The following ERICH1 variants were observed in gnomAD, a reference collection of about 807,000 sequenced individuals.
ERICH1 encodes the protein glutamate rich 1.
Under a neutral mutation model 39.6 loss-of-function variants are expected in ERICH1, and 56 were observed. The ratio of observed to expected loss-of-function variants is 1.41; its 90% CI spans 1.14 to 1.77. The LOEUF (loss-of-function observed/expected upper bound fraction) is 1.77. ERICH1 is among the 40% of genes most tolerant of loss of function. ERICH1 has a pLI of 0.00. For synonymous variants in ERICH1, 313 were observed against 223.6 expected (o/e 1.40, Z -3.57); for missense variants, 826 against 575.4 (o/e 1.44, Z -4.45).
chr8:665,798 A>G (rs528959273), intron 5 of ERICH1, among the ~76,000 whole-genome samples: 61 of 152,300 alleles, frequency 4.0e-4, no homozygotes, highest in African/African-American at 1.3e-3. Flanking sequence ...GCCAGAGGAG[A>G]GGCAGAGGAG....
At chr8:616,769 AGAGAGAGGGAGAGG>A (rs1302035313) in intron 3 of ERICH1, among the ~76,000 whole-genome samples, 1 of 45,558 alleles carries the variant, frequency 2.2e-5, no homozygotes, top group Non-Finnish European at 3.3e-5. Context: ...AGAGGAAGAC[AGAGAGAGGGAGAGG>A]GAGAGAGATG....
In ERICH1 at chr8:673,952, C is replaced by T. The variant is rs1804070010; in HGVS notation, c.400G>A (p.Ala134Thr). ...AGACTCTGCTGTTTCTCTAATTCTGCTTGTTCTATAAGAACATTATTGGGA... is the reference window on the plus strand; with the variant it reads ...AGACTCTGCTGTTTCTCTAATTCTGTTTGTTCTATAAGAACATTATTGGGA... ...KNPNNVLIEQAELEKQQSLLQ... is the reference protein window; with the variant it reads ...KNPNNVLIEQTELEKQQSLLQ... The change falls in exon 4 of 6, where the codon GCA becomes ACA. Residue 134 changes from alanine (A) to threonine (T), a missense_variant. Ala to Thr is a moderately conservative substitution (Grantham distance 58). Transcript: ENST00000262109. 1 of 1,609,980 alleles carries T rather than the reference C, an allele frequency of 6.2e-7. No individual in the cohort carries two copies. The highest frequency in any genetic ancestry group is 8.5e-7 in the Non-Finnish European group (1 of 1,179,446).
At chr8:668,889 G>C in intron 4 of ERICH1, 97 bp from the exon 5 acceptor site, 1 of 1,075,456 alleles carries the variant, frequency 9.3e-7, no homozygotes, top group Non-Finnish European at 1.3e-6. Flanking sequence ...TCAAACCTAC[G>C]CTTCCACACA....
At chr8:626,170 G>T (rs565953560) in intron 3 of ERICH1, 53 of 152,160 alleles carry the variant, frequency 3.5e-4, no homozygotes, top group Non-Finnish European at 7.1e-4. Flanking sequence ...CTGTTTTAAA[G>T]ATGAGCAAAA....
chr8:713,567 T>C (rs980777733), intron 2 of ERICH1, among the ~76,000 whole-genome samples: 4 of 152,132 alleles, frequency 2.6e-5, no homozygotes, highest in African/African-American at 7.2e-5. Context: ...CAGAACGGTG[T>C]CTGTGGCACT....
chr8:709,702 G>T (rs1250428054), intron 2 of ERICH1, among the ~76,000 whole-genome samples: 3 of 152,172 alleles, frequency 2.0e-5, no homozygotes, highest in Admixed American at 2.0e-4. Context: ...TGCTTTGTCA[G>T]ACTCAAATGG....
chr8:619,109 T>C (rs543903712), intron 3 of ERICH1, among the ~76,000 whole-genome samples: 3 of 152,160 alleles, frequency 2.0e-5, no homozygotes, highest in East Asian at 3.9e-4. Flanking sequence ...CTCTGCTCTC[T>C]ACAGATGTGG....
intron 3 of ERICH1, among the ~76,000 whole-genome samples, chr8:657,739 T>C (rs1281876118): frequency 6.6e-6 from 1 of 151,890 alleles, no homozygotes; most frequent in African/African-American, 2.4e-5. Context: ...ATGATATAAA[T>C]GTCATGCCAT....
intron 1 of ERICH1, among the ~76,000 whole-genome samples, chr8:730,363 C>T (rs1819696448): frequency 6.6e-6 from 1 of 151,958 alleles, no homozygotes; most frequent in Non-Finnish European, 1.5e-5. Context: ...CTTTTCATTT[C>T]AAAGGGAAAA....
Position 649,552 on chromosome 8 carries a change from G to T in ERICH1, c.976+19046C>A, listed in dbSNP as rs1308044098. On this transcript the variant is annotated intron_variant, in intron 3 of 3. Transcript: ENST00000522706. ...GGGGGAAGATCCACAGGGGAGAGGT[G>T]AGCCCTGTTGTCACCTTTGTTGGAT... Among the ~76,000 whole-genome samples, 6 of 152,116 alleles carry T rather than the reference G, an allele frequency of 3.9e-5. No homozygotes were observed. The South Asian group carries it at 1.2e-3, about 32-fold the overall frequency.
intron 3 of ERICH1, among the ~76,000 whole-genome samples, chr8:634,686 G>A (rs1046830254): frequency 1.3e-5 from 2 of 152,114 alleles, no homozygotes; most frequent in African/African-American, 4.8e-5. Context: ...GGCTGCCGTG[G>A]GCACCCACTC....
intron 3 of ERICH1, among the ~76,000 whole-genome samples, chr8:679,698 T>C (rs971770946): frequency 6.6e-6 from 1 of 152,238 alleles, no homozygotes; most frequent in Admixed American, 6.5e-5. Context: ...GGCAAGGTCA[T>C]AAGTCATGTT....
chr8:634,346 C>T (rs1798262929), intron 3 of ERICH1, among the ~76,000 whole-genome samples: 1 of 152,184 alleles, frequency 6.6e-6, no homozygotes, highest in Non-Finnish European at 1.5e-5. Context: ...GAGCGAGCGT[C>T]GTGGAGCGCT....
At chr8:636,491 G>A (rs1324446186) in intron 3 of ERICH1, among the ~76,000 whole-genome samples, 3 of 152,236 alleles carry the variant, frequency 2.0e-5, no homozygotes, top group African/African-American at 7.2e-5. Context: ...CTCAGAATCG[G>A]GGCATCTGCC....
intron 2 of ERICH1, among the ~76,000 whole-genome samples, chr8:702,670 G>A (rs1040591324): frequency 2.0e-5 from 3 of 152,236 alleles, no homozygotes; most frequent in Non-Finnish European, 2.9e-5. Context: ...ACCAGGTTCC[G>A]TGACAGGCGA....
intron 5 of ERICH1, chr8:667,987 C>G (rs1235007470): frequency 6.4e-6 from 1 of 155,866 alleles, no homozygotes; most frequent in African/African-American, 2.4e-5. Flanking sequence ...GACGCCAGCC[C>G]TGGGCCAGGT....
At chr8:701,610 A>T (rs10105489) in intron 2 of ERICH1, among the ~76,000 whole-genome samples, 1 of 152,226 alleles carries the variant, frequency 6.6e-6, no homozygotes, top group Non-Finnish European at 1.5e-5. Flanking sequence ...ACCTCACACC[A>T]GACAACAACT....
In ERICH1 at chr8:673,956, T is replaced by C. The variant is rs993125126; in HGVS notation, c.396A>G (p.Glu132=). The C allele has an allele frequency of 1.9e-6, 3 of 1,608,000 alleles. No homozygotes were observed. Among genetic ancestry groups the C allele is most frequent in the South Asian group, 1.1e-5 (1 of 89,258 alleles). The change falls in exon 4 of 6, where the codon GAA becomes GAG. Residue 132 remains glutamate (E), a synonymous_variant. Transcript: ENST00000262109. ...TCTGCTGTTTCTCTAATTCTGCTTG[T>C]TCTATAAGAACATTATTGGGATTTT... is the stretch of plus-strand genomic sequence containing the variant. ...KFKNPNNVLI[E]QAELEKQQSL... is the part of the protein sequence containing the mutation.
intron 3 of ERICH1, among the ~76,000 whole-genome samples, chr8:686,364 T>C (rs1807371439): frequency 6.6e-6 from 1 of 152,198 alleles, no homozygotes; most frequent in South Asian, 2.1e-4. Context: ...AACAATAGCT[T>C]GGAAATCGAG....
Sources: allele counts gnomAD v4.1 joint callset (sites outside exome capture counted in the v4.1 genomes callset), GRCh38; gene constraint gnomAD v4.1.1; transcripts MANE v1.5; gene names NCBI Gene and HGNC (gene_info 2026-07-23, HGNC 2026-07-21).